Variants in ROBO1 observed in about 807,000 individuals in gnomAD.
ROBO1 encodes the protein roundabout guidance receptor 1.
Under a neutral mutation model 195.9 loss-of-function variants are expected in ROBO1, and 149 were observed. That is an observed-to-expected ratio of 0.76 (90% confidence interval 0.67 to 0.87). The LOEUF (loss-of-function observed/expected upper bound fraction) is 0.87, where lower values mean the gene tolerates loss of function less well. Among genes scored for constraint, ROBO1 ranks in the 40% least tolerant of loss-of-function variants. The pLI is 0.00. For synonymous variants in ROBO1, 816 were observed against 733.2 expected (o/e 1.11, Z -1.82); for missense variants, 1,933 against 2,068.3 (o/e 0.93, Z 1.27).
At chr3:79,504,236 A>G (rs1940271563) in intron 2 of ROBO1, among the ~76,000 whole-genome samples, 2 of 152,126 alleles carry the variant, frequency 1.3e-5, no homozygotes, top group African/African-American at 4.8e-5. Context: ...TGGAAGATAC[A>G]TTTTTATTAT....
At chr3:78,735,144 T>C (rs893555953) in intron 5 of ROBO1, among the ~76,000 whole-genome samples, 6 of 152,220 alleles carry the variant, frequency 3.9e-5, no homozygotes, top group African/African-American at 1.4e-4. Flanking sequence ...AAAGGTTTGC[T>C]TTAATTTCTG....
chr3:78,712,017 CAAAAAAAAAAAAAAAAAAAAAA>C (rs56267632), intron 8 of ROBO1, among the ~76,000 whole-genome samples: 3,373 of 76,630 alleles, frequency 0.044, 132 homozygotes, highest in Non-Finnish European at 0.061. Flanking sequence ...AAGACCTTGG[CAAAAAAAAAAAAAAAAAAAAAA>C]AAAAAAAAAA....
At chr3:78,878,105 T>G (rs1348840110) in intron 4 of ROBO1, among the ~76,000 whole-genome samples, 1 of 152,054 alleles carries the variant, frequency 6.6e-6, no homozygotes, top group African/African-American at 2.4e-5. Flanking sequence ...GATAGTACTT[T>G]AGGAATGCTC....
chr3:78,963,457 AT>A (rs575684463), intron 3 of ROBO1, among the ~76,000 whole-genome samples: 4 of 62,148 alleles, frequency 6.4e-5, no homozygotes, highest in South Asian at 5.0e-4. Context: ...ACATATATGC[AT>A]TTTTTTTAGA....
chr3:79,371,292 T>C (rs2036183709), intron 2 of ROBO1, among the ~76,000 whole-genome samples: 1 of 152,154 alleles, frequency 6.6e-6, no homozygotes, highest in Non-Finnish European at 1.5e-5. Flanking sequence ...AACTAGATAT[T>C]AATATTTAAT....
chr3:79,301,429 A>G (rs1257467097), intron 2 of ROBO1, among the ~76,000 whole-genome samples: 1 of 152,220 alleles, frequency 6.6e-6, no homozygotes, highest in Non-Finnish European at 1.5e-5. Context: ...GAAAAGACAT[A>G]TGCTCATTCT....
At chr3:79,686,570 A>G (rs1007023276) in intron 1 of ROBO1, among the ~76,000 whole-genome samples, 1 of 152,178 alleles carries the variant, frequency 6.6e-6, no homozygotes, top group Non-Finnish European at 1.5e-5. Flanking sequence ...ATTCTTATAC[A>G]CCAATAACAG....
chr3:79,002,864 T>C lies in ROBO1; in HGVS notation c.173-63937A>G, dbSNP rs77702577. ...TGTCTTTAGAACTCCCCTCTCTCAA[T>C]GTGGCCCACTGTATTGCTCCAGGAC... On this transcript the variant is annotated intron_variant, in intron 3 of 30. Transcript: ENST00000464233. 2.9e-3 allele frequency among the ~76,000 whole-genome samples: 439 copies of C among 152,188 alleles called. 3 individuals carry two copies. The highest frequency in any genetic ancestry group is 9.9e-3 in the African/African-American group (412 of 41,546).
chr3:79,593,244 A>G lies in ROBO1; in HGVS notation c.-50-3283T>C, dbSNP rs931181117. Among the ~76,000 whole-genome samples, 3 of 152,078 alleles carry G rather than the reference A, an allele frequency of 2.0e-5. No homozygotes were observed. The East Asian group carries it at 5.8e-4, about 29-fold the overall frequency. The stretch of plus-strand genomic sequence containing the variant: ...TCCGTTTGCAGGTTTTTATGTGGAG[A>G]TAAGTTTTAAACACATCTGGGTAAA... On this transcript the variant is annotated intron_variant, in intron 1 of 30. Transcript: ENST00000464233.
At chr3:79,555,591 C>T (rs562007820) in intron 2 of ROBO1, among the ~76,000 whole-genome samples, 1 of 152,184 alleles carries the variant, frequency 6.6e-6, no homozygotes, top group South Asian at 2.1e-4. Context: ...GACAGATCTC[C>T]TAGTTTCTGA....
In ROBO1 at chr3:78,940,604, T is replaced by C. The variant is rs75843181; in HGVS notation, c.173-1677A>G. On this transcript the variant is annotated intron_variant, in intron 3 of 30. Coordinates refer to ENST00000464233, the MANE Select transcript of ROBO1 (RefSeq NM_002941.4). ...ACAGGGCCTGGGCTTGAAGTAATCT[T>C]ACAGTAGAATACACCTACTCTATTT... is the stretch of plus-strand genomic sequence containing the variant. 3.3e-3 allele frequency among the ~76,000 whole-genome samples: 509 copies of C among 152,328 alleles called. 4 individuals carry two copies. Among genetic ancestry groups the C allele is most frequent in the African/African-American group, 0.012 (483 of 41,570 alleles).
At chr3:79,650,393 TTAAA>T (rs1165105728) in intron 1 of ROBO1, among the ~76,000 whole-genome samples, 21 of 151,798 alleles carry the variant, frequency 1.4e-4, no homozygotes, top group African/African-American at 5.1e-4. Flanking sequence ...TTTATAACCA[TTAAA>T]TAGACTGAAT....
At chr3:78,604,963 T>C (rs1575761153) in intron 29 of ROBO1, among the ~76,000 whole-genome samples, 1 of 152,192 alleles carries the variant, frequency 6.6e-6, no homozygotes, top group African/African-American at 2.4e-5. Context: ...ACATTTCCAC[T>C]GATTTGGCCT....
chr3:78,688,829 T>G, intron 8 of ROBO1, 57 bp from the exon 9 acceptor site: 2 of 1,528,716 alleles, frequency 1.3e-6, no homozygotes, highest in South Asian at 2.5e-5. Flanking sequence ...TTGTCCTAAT[T>G]GAGACAATCT....
intron 2 of ROBO1, among the ~76,000 whole-genome samples, chr3:79,529,520 A>T (rs1941565173): frequency 6.6e-6 from 1 of 152,206 alleles, no homozygotes. Flanking sequence ...TCAAGAATTC[A>T]AAGATTTGAT....
At chr3:79,272,630 T>C (rs970916627) in intron 2 of ROBO1, among the ~76,000 whole-genome samples, 8 of 152,056 alleles carry the variant, frequency 5.3e-5, no homozygotes, top group Non-Finnish European at 1.2e-4. Flanking sequence ...GCAGTTATTG[T>C]GGAACTTTGC....
rs944062979 is a variant in ROBO1, at chr3:78,688,448, A to T, written c.1170+200T>A. On this transcript the variant is annotated intron_variant, in intron 9 of 30. Coordinates refer to ENST00000464233, the MANE Select transcript of ROBO1 (RefSeq NM_002941.4). ...TACCTTGTGTACCACAACTAGGTGG[A>T]GAAAAATGCTTTCAGAATTCAAGCG... Among the ~76,000 whole-genome samples the T allele has an allele frequency of 3.3e-5, 5 of 152,182 alleles. No homozygotes were observed. The South Asian group carries it at 1.0e-3, about 31-fold the overall frequency.
intron 4 of ROBO1, among the ~76,000 whole-genome samples, chr3:78,762,220 G>T (rs1408614738): frequency 3.9e-5 from 6 of 151,954 alleles, no homozygotes; most frequent in Admixed American, 3.3e-4. Context: ...AATTGACAAT[G>T]ACCTATGATT....
At chr3:79,636,222 T>A (rs1342768851) in intron 1 of ROBO1, among the ~76,000 whole-genome samples, 1 of 152,196 alleles carries the variant, frequency 6.6e-6, no homozygotes, top group Non-Finnish European at 1.5e-5. Flanking sequence ...TGATTTAACA[T>A]TGTAAGTGCT....
Sources: allele counts gnomAD v4.1 joint callset (sites outside exome capture counted in the v4.1 genomes callset), GRCh38; gene constraint gnomAD v4.1.1; transcripts MANE v1.5; gene names NCBI Gene and HGNC (gene_info 2026-07-23, HGNC 2026-07-21).